The following ITPRID1 variants were observed in gnomAD, a reference collection of about 807,000 sequenced individuals.
ITPRID1 encodes the protein protein ITPRID1.
Under a neutral mutation model 95.4 loss-of-function variants are expected in ITPRID1, and 96 were observed. That is an observed-to-expected ratio of 1.01 (90% CI 0.85 to 1.19). ITPRID1 has a LOEUF of 1.19. Ranked by LOEUF, ITPRID1 falls within the 50% of genes most tolerant of loss-of-function variation. The probability of loss-of-function intolerance (pLI) is 0.00; values close to 1 mark genes in which losing one functional copy is unlikely to be tolerated. For missense variants in ITPRID1, 1,339 were observed against 1,252.9 expected, an observed-to-expected ratio of 1.07 and a Z score of -1.04; for synonymous variants, 510 against 453.6, an observed-to-expected ratio of 1.12 and a Z score of -1.58.
rs1229892805 is a variant in ITPRID1, at chr7:31,519,612, CTCTCTCTCTA to C, written c.-98+5494_-98+5503del. Among the ~76,000 whole-genome samples the C allele has an allele frequency of 1.7e-3, 78 of 46,866 alleles. No individual in the cohort carries two copies. The East Asian group carries it at 0.019, about 12-fold the overall frequency. 30.7% of individuals were successfully genotyped at this position (46,866 alleles called of 152,430 possible). On this transcript the variant is annotated intron_variant, in intron 1 of 14. Coordinates refer to ENST00000615280, the MANE Select transcript of ITPRID1 (RefSeq NM_001257967.3). ...TCTCTCTCTCTCTCTCTCTCTCTCTCTCTCTCTCTATATATATATATATATATATATATAA... is the reference window on the plus strand; with the variant it reads ...TCTCTCTCTCTCTCTCTCTCTCTCTCTATATATATATATATATATATATAA...
intron 1 of ITPRID1, among the ~76,000 whole-genome samples, chr7:31,515,615 A>G (rs530797533): frequency 1.3e-5 from 2 of 152,316 alleles, no homozygotes; most frequent in African/African-American, 2.4e-5. Context: ...AGTCAAATGT[A>G]TCTACTTGGA....
intron 1 of ITPRID1, among the ~76,000 whole-genome samples, chr7:31,519,629 T>TCC (rs1163119280): frequency 8.2e-5 from 10 of 122,052 alleles, no homozygotes; most frequent in Admixed American, 8.0e-4. Context: ...TCTATATATA[T>TCC]ATATATATAT....
chr7:31,619,755 G>A (rs543026702), intron 10 of ITPRID1, among the ~76,000 whole-genome samples: 68 of 152,198 alleles, frequency 4.5e-4, no homozygotes, highest in Middle Eastern at 3.4e-3. Flanking sequence ...GACAGTGGGC[G>A]CAGGTCAGTG....
chr7:31,521,660 T>A (rs974133151), intron 1 of ITPRID1, among the ~76,000 whole-genome samples: 2 of 134,874 alleles, frequency 1.5e-5, no homozygotes, highest in Admixed American at 7.8e-5. Flanking sequence ...CCTTCCTTCC[T>A]TCCTTCCTTC....
intron 7 of ITPRID1, among the ~76,000 whole-genome samples, chr7:31,573,476 T>C (rs1785067004): frequency 6.6e-6 from 1 of 152,194 alleles, no homozygotes; most frequent in Non-Finnish European, 1.5e-5. Flanking sequence ...GATAGCTACC[T>C]GTTGTTGAAT....
At position 31,654,809 on chromosome 7, in the gene ITPRID1, A is replaced by G. The variant is rs1407206653; in HGVS notation, c.*1980A>G. On this transcript the variant is annotated 3_prime_UTR_variant, in exon 15 of 15. Transcript: ENST00000615280. ...ATGGTCAAAGGAGAGGTCACTTCTT[A>G]GCAAGTAACCTCAGAAACTAATTCT... Among the ~76,000 whole-genome samples the G allele has an allele frequency of 6.6e-6, 1 of 152,178 alleles. No individual in the cohort carries two copies. Among genetic ancestry groups the G allele is most frequent in the Non-Finnish European group, 1.5e-5 (1 of 68,022 alleles).
chr7:31,535,492 G>A (rs948703958), intron 1 of ITPRID1, among the ~76,000 whole-genome samples: 2 of 151,798 alleles, frequency 1.3e-5, no homozygotes, highest in African/African-American at 4.8e-5. Flanking sequence ...ATATATATTT[G>A]TATATATGTG....
Position 31,653,125 on chromosome 7 carries a change from C to A in ITPRID1, c.*296C>A. ...GTAGTGGGGGAGATAGAATTGCAAA[C>A]AAAAAGTATCTGAGACAGACCTCAG... On this transcript the variant is annotated 3_prime_UTR_variant, in exon 15 of 15. Transcript: ENST00000615280. 2.2e-6 allele frequency: 1 copy of A among 460,156 alleles called. No homozygotes were observed. Among genetic ancestry groups the A allele is most frequent in the Non-Finnish European group, 3.4e-6 (1 of 295,574 alleles). 28.5% of individuals were successfully genotyped at this position (460,156 alleles called of 1,614,324 possible).
chr7:31,582,261 T>A (rs1785430770), intron 9 of ITPRID1, among the ~76,000 whole-genome samples: 1 of 152,222 alleles, frequency 6.6e-6, no homozygotes. Context: ...GATGATGTTT[T>A]CAAAGAAATC....
At chr7:31,628,268 T>A (rs1413422797) in intron 10 of ITPRID1, among the ~76,000 whole-genome samples, 1 of 152,080 alleles carries the variant, frequency 6.6e-6, no homozygotes, top group Admixed American at 6.5e-5. Flanking sequence ...AGAGAAAGCC[T>A]GGAGCACAGG....
intron 10 of ITPRID1, among the ~76,000 whole-genome samples, chr7:31,619,709 T>G (rs991277163): frequency 5.9e-5 from 9 of 152,018 alleles, no homozygotes; most frequent in African/African-American, 2.2e-4. Flanking sequence ...TGCATTTCCA[T>G]CTGAGGTACC....
rs759094834 is a variant in ITPRID1 at position 31,554,908 on chromosome 7, CAA to C, written c.256+8_256+9del. 1.7e-5 allele frequency: 27 copies of C among 1,573,032 alleles called. No individual in the cohort carries two copies. Among genetic ancestry groups the C allele is most frequent in the Non-Finnish European group, 1.9e-5 (22 of 1,155,000 alleles). On this transcript the variant is annotated splice_region_variant and intron_variant, in intron 5 of 14. Transcript: ENST00000615280. ...CAAGTCATTGACCGCACTGGTAAGACAAGAGAAGCAGTTATGCTTTGGGAAGC... is the reference window on the plus strand; with the variant it reads ...CAAGTCATTGACCGCACTGGTAAGACGAGAAGCAGTTATGCTTTGGGAAGC...
At chr7:31,567,779 C>G (rs1784851192) in intron 5 of ITPRID1, among the ~76,000 whole-genome samples, 1 of 152,096 alleles carries the variant, frequency 6.6e-6, no homozygotes, top group Non-Finnish European at 1.5e-5. Context: ...CATTACTGTA[C>G]CTATTTTCTC....
At chr7:31,591,213 T>A (rs1785851636) in intron 10 of ITPRID1, among the ~76,000 whole-genome samples, 1 of 152,174 alleles carries the variant, frequency 6.6e-6, no homozygotes, top group Non-Finnish European at 1.5e-5. Context: ...AGATACATGT[T>A]ATAATTGATG....
intron 10 of ITPRID1, among the ~76,000 whole-genome samples, chr7:31,634,896 G>C (rs1199444044): frequency 1.3e-5 from 2 of 152,148 alleles, no homozygotes; most frequent in Non-Finnish European, 2.9e-5. Context: ...AGTGCCTAGG[G>C]AAAATGCCAC....
intron 2 of ITPRID1, among the ~76,000 whole-genome samples, chr7:31,550,046 T>G (rs1784229809): frequency 1.3e-5 from 2 of 152,174 alleles, no homozygotes; most frequent in Admixed American, 6.6e-5. Context: ...GAAGTAGAAT[T>G]AATGTAACAG....
At chr7:31,579,758 T>C (rs553819889) in intron 9 of ITPRID1, among the ~76,000 whole-genome samples, 178 of 152,280 alleles carry the variant, frequency 1.2e-3, no homozygotes, top group Non-Finnish European at 2.1e-3. Context: ...CTAATATCTA[T>C]GTATATGTAT....
At chr7:31,563,425 C>T (rs1784690439) in intron 5 of ITPRID1, among the ~76,000 whole-genome samples, 1 of 152,096 alleles carries the variant, frequency 6.6e-6, no homozygotes, top group Non-Finnish European at 1.5e-5. Flanking sequence ...GCTGAGATGA[C>T]ACTGGAGTGT....
chr7:31,605,218 C>A (rs560506212), intron 10 of ITPRID1, among the ~76,000 whole-genome samples: 1 of 151,850 alleles, frequency 6.6e-6, no homozygotes, highest in Admixed American at 6.6e-5. Context: ...GAGGGTGTAG[C>A]CAAGGTAGTT....
Sources: allele counts gnomAD v4.1 joint callset (sites outside exome capture counted in the v4.1 genomes callset), GRCh38; gene constraint gnomAD v4.1.1; transcripts MANE v1.5; gene names NCBI Gene and HGNC (gene_info 2026-07-23, HGNC 2026-07-21).